The following BCAR3 variants were observed in gnomAD, a reference collection of about 807,000 sequenced individuals.
The protein encoded by BCAR3 is BCAR3 adaptor protein, NSP family member.
BCAR3 carries 37 observed loss-of-function variants against 80.1 expected under a neutral mutation model. The observed-to-expected ratio is 0.46, with a 90% confidence interval of 0.36 to 0.61. The LOEUF is 0.61. BCAR3 is among the 20% of genes least tolerant of loss of function. BCAR3 has a pLI of 0.00. For synonymous variants in BCAR3, 389 were observed against 418.9 expected (o/e 0.93, Z 0.87); for missense variants, 978 against 1,068.2 (o/e 0.92, Z 1.18).
rs188727965 is a variant in BCAR3 at position 93,830,675 on chromosome 1, C to A, written c.-63+14892G>T. 5.7e-3 allele frequency among the ~76,000 whole-genome samples: 871 copies of A among 152,304 alleles called. 5 individuals carry two copies. Among genetic ancestry groups the A allele is most frequent in the Non-Finnish European group, 9.9e-3 (671 of 68,032 alleles). On this transcript the variant is annotated intron_variant, in intron 2 of 13. Coordinates refer to the BCAR3 transcript ENST00000370244. ...TCTTTTCGGACTCAGCCCACCTGCA[C>A]CCATGTGACTAAAAAGCTTTATTGC...
intron 2 of BCAR3, among the ~76,000 whole-genome samples, chr1:93,765,066 C>T (rs2747040): frequency 0.4 from 60,319 of 151,994 alleles, 13,264 homozygotes; most frequent in Non-Finnish European, 0.5. Flanking sequence ...GTGGACATCC[C>T]GGGGGCTACT....
intron 2 of BCAR3, among the ~76,000 whole-genome samples, chr1:93,773,578 C>T (rs1571116636): frequency 6.6e-6 from 1 of 152,234 alleles, no homozygotes; most frequent in East Asian, 1.9e-4. Flanking sequence ...GGTGATTGGA[C>T]CCTGCTCATG....
chr1:93,630,920 GGTC>G (rs1675599880), intron 3 of BCAR3, among the ~76,000 whole-genome samples: 2 of 152,326 alleles, frequency 1.3e-5, no homozygotes, highest in South Asian at 2.1e-4. Flanking sequence ...ACTTGCCCAA[GGTC>G]ATACAACCAA....
At chr1:93,615,651 C>T (rs757872685) in intron 3 of BCAR3, among the ~76,000 whole-genome samples, 3 of 152,106 alleles carry the variant, frequency 2.0e-5, no homozygotes, top group African/African-American at 7.2e-5. Context: ...CCACTGTCCT[C>T]GAAGGTCCAG....
At chr1:93,840,614 T>C (rs1654923951) in intron 2 of BCAR3, among the ~76,000 whole-genome samples, 2 of 152,140 alleles carry the variant, frequency 1.3e-5, no homozygotes, top group Non-Finnish European at 2.9e-5. Context: ...GGGGAAGAAA[T>C]TTAAGACCTA....
intron 2 of BCAR3, among the ~76,000 whole-genome samples, chr1:93,661,343 A>G (rs900360353): frequency 1.3e-5 from 2 of 150,064 alleles, no homozygotes; most frequent in Non-Finnish European, 3.0e-5. Context: ...CCGGCCTACA[A>G]ATTTTTGTAT....
intron 2 of BCAR3, among the ~76,000 whole-genome samples, chr1:93,823,100 T>C (rs145258120): frequency 6.8e-5 from 9 of 133,296 alleles, no homozygotes; most frequent in African/African-American, 2.3e-4. Context: ...GTAGCCATCA[T>C]GCCACTCTGA....
intron 3 of BCAR3, among the ~76,000 whole-genome samples, chr1:93,607,653 T>C (rs748678013): frequency 2.3e-4 from 35 of 151,742 alleles, no homozygotes; most frequent in Admixed American, 1.5e-3. Flanking sequence ...CAACCACCTC[T>C]ATGGGCTCAT....
chr1:93,579,519 C>A (rs896346249), intron 7 of BCAR3, among the ~76,000 whole-genome samples: 2 of 152,108 alleles, frequency 1.3e-5, no homozygotes, highest in African/African-American at 2.4e-5. Context: ...AGAGTGAGGC[C>A]CCACTAGGAG....
chr1:93,769,104 G>C (rs1011447070), intron 2 of BCAR3, among the ~76,000 whole-genome samples: 2 of 152,122 alleles, frequency 1.3e-5, no homozygotes, highest in Admixed American at 6.6e-5. Flanking sequence ...CCAACCCTGG[G>C]GGAGGAGACA....
At chr1:93,726,030 T>C (rs913109190) in intron 2 of BCAR3, among the ~76,000 whole-genome samples, 1 of 152,172 alleles carries the variant, frequency 6.6e-6, no homozygotes, top group Non-Finnish European at 1.5e-5. Context: ...AATTCCCTCT[T>C]CCTTATTCTT....
At chr1:93,576,240 G>GAGTT in intron 7 of BCAR3, 111 bp from the exon 8 acceptor site, 3 of 748,616 alleles carry the variant, frequency 4.0e-6, no homozygotes, top group Non-Finnish European at 7.0e-6. Flanking sequence ...GACACTTTAT[G>GAGTT]AGTTACATTT....
At chr1:93,596,723 C>T (rs1486776469) in intron 3 of BCAR3, among the ~76,000 whole-genome samples, 1 of 152,230 alleles carries the variant, frequency 6.6e-6, no homozygotes, top group African/African-American at 2.4e-5. Flanking sequence ...AATTCTCTAA[C>T]ATTTGCCCTT....
intron 2 of BCAR3, among the ~76,000 whole-genome samples, chr1:93,668,166 G>T (rs906608336): frequency 6.6e-6 from 1 of 152,292 alleles, no homozygotes; most frequent in African/African-American, 2.4e-5. Context: ...CAGAGGAGAT[G>T]TTACACAGCT....
chr1:93,845,140 A>G (rs1273107658), intron 2 of BCAR3, among the ~76,000 whole-genome samples: 1 of 151,908 alleles, frequency 6.6e-6, no homozygotes, highest in Non-Finnish European at 1.5e-5. Context: ...TTATATACGC[A>G]TCTCAACTGT....
chr1:93,745,129 T>C (rs1381777517), intron 2 of BCAR3, among the ~76,000 whole-genome samples: 1 of 152,212 alleles, frequency 6.6e-6, no homozygotes, highest in Non-Finnish European at 1.5e-5. Flanking sequence ...AAAGAGTCAG[T>C]GATGGAAAGT....
intron 2 of BCAR3, among the ~76,000 whole-genome samples, chr1:93,759,817 C>T (rs1651873951): frequency 6.7e-6 from 1 of 149,328 alleles, no homozygotes; most frequent in African/African-American, 2.5e-5. Context: ...TGGAACAGAC[C>T]AGTGGCTCAT....
In BCAR3 at chr1:93,645,656, G is replaced by GTA. The variant is rs1021560041; in HGVS notation, c.318-3315_318-3314dup. ...AGGATCTTTGTGTGTGTGTGTGTGT[G>GTA]TATATATATGTATCCATGTATATTT... On this transcript the variant is annotated intron_variant, in intron 2 of 11. Transcript: ENST00000260502. Among the ~76,000 whole-genome samples the GTA allele has an allele frequency of 8.0e-5, 12 of 150,740 alleles. 1 individual carries two copies. Among genetic ancestry groups the GTA allele is most frequent in the African/African-American group, 2.4e-4 (10 of 41,110 alleles).
At chr1:93,619,117 TTTTG>T (rs1675232939) in intron 3 of BCAR3, among the ~76,000 whole-genome samples, 2 of 150,786 alleles carry the variant, frequency 1.3e-5, no homozygotes, top group Admixed American at 1.3e-4. Context: ...TTTTTTTTTT[TTTTG>T]TATTTTAGTA....
Sources: allele counts gnomAD v4.1 joint callset (sites outside exome capture counted in the v4.1 genomes callset), GRCh38; gene constraint gnomAD v4.1.1; transcripts MANE v1.5; gene names NCBI Gene and HGNC (gene_info 2026-07-23, HGNC 2026-07-21).